BMAL1: variants seen among roughly 807,000 people sequenced by gnomAD.
The protein encoded by BMAL1 is basic helix-loop-helix ARNT-like protein 1.
the BMAL1 span, among the ~76,000 whole-genome samples, chr11:13,368,940 T>C: frequency 1.3e-5 from 2 of 152,258 alleles, no homozygotes; most frequent in African/African-American, 4.8e-5. Flanking sequence ...TCACATTCTT[T>C]TATTTTTCTA....
At chr11:13,337,541 A>C in the BMAL1 span, among the ~76,000 whole-genome samples, 1 of 152,256 alleles carries the variant, frequency 6.6e-6, no homozygotes, top group African/African-American at 2.4e-5. Context: ...GTCAAAAGAT[A>C]TATCAGTTTA....
At chr11:13,373,068 A>T in the BMAL1 span, among the ~76,000 whole-genome samples, 1 of 152,214 alleles carries the variant, frequency 6.6e-6, no homozygotes, top group African/African-American at 2.4e-5. Context: ...TGAGCTGTCC[A>T]ATAAAATACT....
chr11:13,362,169 A>G, the BMAL1 span, among the ~76,000 whole-genome samples: 9 of 152,284 alleles, frequency 5.9e-5, no homozygotes, highest in South Asian at 2.1e-4. Context: ...ACAACCCAAT[A>G]TAGTGCTTCA....
At chr11:13,375,536 T>C in the BMAL1 span, 4 of 1,261,130 alleles carry the variant, frequency 3.2e-6, no homozygotes, top group Admixed American at 3.1e-5. Context: ...GTACCTTTAA[T>C]ATTTTGTATT....
At chr11:13,327,366 C>G in the BMAL1 span, among the ~76,000 whole-genome samples, 5 of 152,186 alleles carry the variant, frequency 3.3e-5, no homozygotes, top group African/African-American at 1.2e-4. Context: ...ATGCTGTTAT[C>G]ATCATCATCA....
At chr11:13,349,963 C>A in the BMAL1 span, 1 of 152,174 alleles carries the variant, frequency 6.6e-6, no homozygotes, top group Non-Finnish European at 1.5e-5. Flanking sequence ...AAGAAGCTGA[C>A]CGCCTGAAAA....
chr11:13,366,529 A>G, the BMAL1 span: 2 of 765,736 alleles, frequency 2.6e-6, no homozygotes, highest in Non-Finnish European at 4.4e-6. Flanking sequence ...ACATATGTAC[A>G]GGTTCACATA....
At chr11:13,368,571 G>A in the BMAL1 span, among the ~76,000 whole-genome samples, 3 of 152,200 alleles carry the variant, frequency 2.0e-5, no homozygotes, top group African/African-American at 7.2e-5. Flanking sequence ...GATGGGATGG[G>A]AGGAAGCCCA....
chr11:13,282,882 A>T, the BMAL1 span, among the ~76,000 whole-genome samples: 1 of 152,066 alleles, frequency 6.6e-6, no homozygotes, highest in Admixed American at 6.6e-5. Context: ...AGGAGATGGG[A>T]TGGGGTGGGC....
chr11:13,378,276 T>A, the BMAL1 span: 1 of 1,504,712 alleles, frequency 6.6e-7, no homozygotes, highest in Non-Finnish European at 8.9e-7. Context: ...TTTACTTTAA[T>A]ACATAATAGT....
At chr11:13,277,888 T>TGCGGGC in the BMAL1 span, 11 of 151,524 alleles carry the variant, frequency 7.3e-5, no homozygotes, top group South Asian at 2.1e-4. Context: ...GGGATCCGAG[T>TGCGGGC]GCGGGCGCGG....
chr11:13,288,930 A>G, the BMAL1 span, among the ~76,000 whole-genome samples: 1 of 152,232 alleles, frequency 6.6e-6, no homozygotes, highest in Non-Finnish European at 1.5e-5. Flanking sequence ...CCAGACAGAA[A>G]GTGCCACTAT....
the BMAL1 span, among the ~76,000 whole-genome samples, chr11:13,369,025 T>C: frequency 3.9e-4 from 59 of 152,228 alleles, no homozygotes; most frequent in African/African-American, 4.8e-5. Flanking sequence ...TTTCAAGTGC[T>C]CAGTACCTGC....
the BMAL1 span, among the ~76,000 whole-genome samples, chr11:13,366,310 T>C: frequency 1.3e-5 from 2 of 152,146 alleles, no homozygotes; most frequent in South Asian, 4.1e-4. Context: ...GCATATGATA[T>C]GCGTGACTTG....
chr11:13,292,230 CT>C, the BMAL1 span, among the ~76,000 whole-genome samples: 66 of 149,736 alleles, frequency 4.4e-4, no homozygotes, highest in South Asian at 4.4e-3. Flanking sequence ...GAATGGAACA[CT>C]TTTTTTTTTC....
chr11:13,334,926 G>C, the BMAL1 span, among the ~76,000 whole-genome samples: 1 of 152,232 alleles, frequency 6.6e-6, no homozygotes, highest in Non-Finnish European at 1.5e-5. Context: ...GAAGGGCTGA[G>C]ATGCTGGGAT....
At chr11:13,284,838 C>G in the BMAL1 span, among the ~76,000 whole-genome samples, 2 of 152,120 alleles carry the variant, frequency 1.3e-5, no homozygotes, top group Non-Finnish European at 2.9e-5. Flanking sequence ...GCAGGTGGCA[C>G]CCCTGTGTCC....
chr11:13,351,009 A>C, the BMAL1 span, among the ~76,000 whole-genome samples: 2 of 152,220 alleles, frequency 1.3e-5, no homozygotes, highest in Non-Finnish European at 2.9e-5. Flanking sequence ...GCAGTAAATA[A>C]TGTTCCTGTT....
chr11:13,305,921 G>A, the BMAL1 span, among the ~76,000 whole-genome samples: 6 of 152,146 alleles, frequency 3.9e-5, no homozygotes, highest in South Asian at 4.2e-4. Flanking sequence ...TGAGTTGCTG[G>A]TCTCCTCAGT....
Sources: allele counts gnomAD v4.1 joint callset (sites outside exome capture counted in the v4.1 genomes callset), GRCh38; gene constraint gnomAD v4.1.1; transcripts MANE v1.5; gene names NCBI Gene and HGNC (gene_info 2026-07-23, HGNC 2026-07-21).